The following ATP2C1 variants were observed in gnomAD, a reference collection of about 807,000 sequenced individuals.
ATP2C1 encodes the protein ATPase secretory pathway Ca2+ transporting 1.
Under a neutral mutation model 120.5 loss-of-function variants are expected in ATP2C1, and 31 were observed. That is an observed-to-expected ratio of 0.26 (90% CI 0.19 to 0.35). The LOEUF is 0.35. Among genes scored for constraint, ATP2C1 ranks in the 10% least tolerant of loss-of-function variants. ATP2C1 has a pLI of 1.00. For synonymous variants in ATP2C1, 351 were observed against 358.7 expected, an observed-to-expected ratio of 0.98 and a Z score of 0.24; for missense variants, 731 against 1,107.5, an observed-to-expected ratio of 0.66 and a Z score of 4.83.
intron 10 of ATP2C1, 36 bp downstream of exon 10, chr3:130,955,116 A>G: frequency 7.3e-7 from 1 of 1,366,798 alleles, no homozygotes. Context: ...TATTTGTTCC[A>G]AATCTGAAAT....
chr3:130,986,612 C>G (rs1020515699), intron 20 of ATP2C1, among the ~76,000 whole-genome samples: 9 of 152,170 alleles, frequency 5.9e-5, no homozygotes, highest in African/African-American at 1.9e-4. Flanking sequence ...GACCTAAGCC[C>G]TGTCAGAAGC....
At chr3:130,982,253 C>T (rs889734881) in intron 20 of ATP2C1, among the ~76,000 whole-genome samples, 2 of 152,192 alleles carry the variant, frequency 1.3e-5, no homozygotes, top group Non-Finnish European at 2.9e-5. Flanking sequence ...GTTATTCCAG[C>T]AACATTTGTT....
intron 2 of ATP2C1, among the ~76,000 whole-genome samples, chr3:130,905,721 C>T (rs2058090118): frequency 6.6e-6 from 1 of 152,082 alleles, no homozygotes; most frequent in Non-Finnish European, 1.5e-5. Context: ...ATCCCTCTCC[C>T]ATTTATTTAT....
In ATP2C1 at chr3:130,894,584, T is replaced by C; in HGVS notation, c.-180-6T>C. The C allele has an allele frequency of 6.7e-7, 1 of 1,484,440 alleles. No individual in the cohort carries two copies. Among genetic ancestry groups the C allele is most frequent in the Non-Finnish European group, 9.0e-7 (1 of 1,117,272 alleles). 92.0% of individuals were successfully genotyped at this position (1,484,440 alleles called of 1,614,324 possible). On this transcript the variant is annotated splice_polypyrimidine_tract_variant and splice_region_variant and intron_variant, in intron 1 of 27. Transcript: ENST00000510168. The surrounding 1 kb of genome is among the most constrained non-coding windows in gnomAD (Gnocchi z 4.5). ...TCAGCGCCGCTTCTCCTGGTTTCTC[T>C]TGCAGATGCTGCTGCTAGGGGTGGT...
At position 130,970,373 on chromosome 3, in the gene ATP2C1, C is replaced by CACAA. The variant is rs1327874251; in HGVS notation, c.1413+980_1413+981insAACA. ...CAGCCTGTCTAAAAAAAAAATTACA[C>CACAA]ACACACACACACACACACACACACA... is the stretch of plus-strand genomic sequence containing the variant. On this transcript the variant is annotated intron_variant, in intron 17 of 27. Coordinates refer to ENST00000510168, the MANE Select transcript of ATP2C1 (RefSeq NM_001378687.1). Among the ~76,000 whole-genome samples, 313 of 139,160 alleles carry CACAA rather than the reference C, an allele frequency of 2.2e-3. 2 individuals carry two copies. Among genetic ancestry groups the CACAA allele is most frequent in the African/African-American group, 8.5e-3 (274 of 32,150 alleles). 91.3% of individuals were successfully genotyped at this position (139,160 alleles called of 152,430 possible).
intron 16 of ATP2C1, 99 bp downstream of exon 16, chr3:130,967,518 G>A: frequency 9.8e-7 from 1 of 1,020,658 alleles, no homozygotes; most frequent in South Asian, 1.3e-5. Context: ...TAGGTATTGA[G>A]TGAAAAAAAC....
intron 2 of ATP2C1, chr3:130,927,747 C>T (rs987369176): frequency 2.0e-5 from 3 of 152,316 alleles, no homozygotes; most frequent in Admixed American, 6.5e-5. Context: ...TGCAATGTTG[C>T]TGTATATTCA....
chr3:130,916,987 C>T (rs932388222), intron 2 of ATP2C1, among the ~76,000 whole-genome samples: 3 of 152,082 alleles, frequency 2.0e-5, no homozygotes, highest in Non-Finnish European at 2.9e-5. Flanking sequence ...CACACAAGTC[C>T]GTGACTTGTG....
chr3:131,003,653 G>A (rs937693321), downstream of ATP2C1, among the ~76,000 whole-genome samples: 7 of 152,068 alleles, frequency 4.6e-5, no homozygotes, highest in East Asian at 1.9e-4. Context: ...CATGAAACCC[G>A]AAGACCCTCC....
chr3:130,980,455 A>T, intron 19 of ATP2C1, 127 bp from the exon 20 acceptor site: 1 of 697,218 alleles, frequency 1.4e-6, no homozygotes, highest in Non-Finnish European at 2.6e-6. Context: ...TGATTCAGAT[A>T]GGTTTGTATT....
At chr3:131,005,918 G>A (rs1178478904), downstream of ATP2C1, among the ~76,000 whole-genome samples, 2 of 152,112 alleles carry the variant, frequency 1.3e-5, no homozygotes, top group Admixed American at 1.3e-4. Flanking sequence ...TTTGATACAT[G>A]TAGTAAGACA....
At chr3:130,924,677 A>G (rs2059123867) in intron 2 of ATP2C1, among the ~76,000 whole-genome samples, 2 of 152,176 alleles carry the variant, frequency 1.3e-5, no homozygotes, top group Admixed American at 1.3e-4. Flanking sequence ...CAAACTTTCA[A>G]ATTTCTTTTC....
intron 1 of ATP2C1, among the ~76,000 whole-genome samples, chr3:130,864,166 A>T (rs2068097760): frequency 6.6e-6 from 1 of 152,244 alleles, no homozygotes; most frequent in African/African-American, 2.4e-5. Context: ...AGATGGTCTC[A>T]GATGGAGATG....
chr3:130,992,915 T>A (rs778206181), intron 20 of ATP2C1, 36 bp from the exon 21 acceptor site: 1 of 1,528,490 alleles, frequency 6.5e-7, no homozygotes, highest in Non-Finnish European at 9.1e-7. Flanking sequence ...GAAATCTTAA[T>A]ATTGAAGATT....
intron 12 of ATP2C1, among the ~76,000 whole-genome samples, chr3:130,962,034 C>T (rs1349934611): frequency 6.6e-6 from 1 of 152,010 alleles, no homozygotes; most frequent in Non-Finnish European, 1.5e-5. Context: ...AGGACTCTAT[C>T]ATGTAGTAGT....
At chr3:130,982,987 A>G (rs1377259500) in intron 20 of ATP2C1, among the ~76,000 whole-genome samples, 1 of 152,198 alleles carries the variant, frequency 6.6e-6, no homozygotes, top group African/African-American at 2.4e-5. Context: ...CATTCATTTT[A>G]CATAACTTTG....
At chr3:130,980,393 T>C (rs1421711414) in intron 19 of ATP2C1, among the ~76,000 whole-genome samples, 189 bp from the exon 20 acceptor site, 1 of 152,036 alleles carries the variant, frequency 6.6e-6, no homozygotes, top group African/African-American at 2.4e-5. Flanking sequence ...AATTCTTTAT[T>C]CTTAAATTTA....
intron 2 of ATP2C1, among the ~76,000 whole-genome samples, chr3:130,911,370 T>C: frequency 6.6e-6 from 1 of 151,020 alleles, no homozygotes; most frequent in African/African-American, 2.4e-5. Flanking sequence ...TAGTGGTCTA[T>C]CAATTTTGTT....
Position 131,003,049 on chromosome 3 carries a change from T to C in ATP2C1, c.*1699T>C, listed in dbSNP as rs1210442515. 1.0e-6 allele frequency: 1 copy of C among 985,708 alleles called. No individual in the cohort carries two copies. Among genetic ancestry groups the C allele is most frequent in the Non-Finnish European group, 1.2e-6 (1 of 829,880 alleles). 61.1% of individuals were successfully genotyped at this position (985,708 alleles called of 1,614,324 possible). A position where few individuals can be genotyped will look rare whatever the true frequency, so the allele number is the denominator to read the frequency against. On this transcript the variant is annotated 3_prime_UTR_variant, in exon 28 of 28. Coordinates refer to ENST00000510168, the MANE Select transcript of ATP2C1 (RefSeq NM_001378687.1). ...TACGTATTAAATGCACGTTAATGTT[T>C]TGCTTTGCATTTTAGGTTCAGATTA...
Sources: gnomAD v4.1 joint callset for allele counts (sites outside exome capture counted in the v4.1 genomes callset) on GRCh38, gnomAD v4.1.1 for gene constraint, Gnocchi (gnomAD v3.1) non-coding constraint, MANE v1.5 for transcripts, NCBI Gene and HGNC (gene_info 2026-07-23, HGNC 2026-07-21) for gene names.